KNL1: variants seen among roughly 807,000 people sequenced by gnomAD.
The protein encoded by KNL1 is outer kinetochore KNL1 complex subunit KNL1.
KNL1 carries 66 observed loss-of-function variants against 201.3 expected under a neutral mutation model. The ratio of observed to expected loss-of-function variants is 0.33; its 90% confidence interval spans 0.27 to 0.40. The LOEUF is 0.40. Among genes scored for constraint, KNL1 ranks in the 10% least tolerant of loss-of-function variants. The pLI is 1.00. For missense variants in KNL1, 2,815 were observed against 2,690.5 expected (o/e 1.05, Z -1.02); for synonymous variants, 895 against 899.2 (o/e 1.00, Z 0.08).
chr15:40,623,243 T>G lies in KNL1; in HGVS notation c.2979T>G (p.Thr993=), dbSNP rs200056260. Reference sequence around the variant, plus strand: ...CACCAACAGTGATATGTACTCCTACTGAGGAGAGTGTTTTCTTTCCAGGAA... The same window carrying G: ...CACCAACAGTGATATGTACTCCTACGGAGGAGAGTGTTTTCTTTCCAGGAA... ...LGTPTVICTP[T]EESVFFPGNG... is the part of the protein sequence containing the mutation. Residue 993 remains threonine, a synonymous_variant, in exon 10 of 26, where the codon ACT becomes ACG. Coordinates refer to ENST00000399668, the MANE Select transcript of KNL1 (RefSeq NM_144508.5). The G allele has an allele frequency of 6.2e-7, 1 of 1,613,944 alleles. No individual in the cohort carries two copies. The highest frequency in any genetic ancestry group is 8.5e-7 in the Non-Finnish European group (1 of 1,179,868).
intron 23 of KNL1, 70 bp downstream of exon 23, chr15:40,657,221 T>A: frequency 8.9e-7 from 1 of 1,118,202 alleles, no homozygotes; most frequent in Non-Finnish European, 1.3e-6. Context: ...ACTGAAACTT[T>A]ACATAAATAA....
rs182961329 is a variant in KNL1 at position 40,644,614 on chromosome 15, C to G, written c.5799-383C>G. Among the ~76,000 whole-genome samples the G allele has an allele frequency of 7.1e-3, 1,088 of 152,316 alleles. 5 individuals carry two copies. The highest frequency in any genetic ancestry group is 0.012 in the Non-Finnish European group (804 of 68,030). On this transcript the variant is annotated intron_variant, in intron 14 of 25. Transcript: ENST00000399668. ...TGGGGAGAAACCTTGGACAATACCC[C>G]GCTTTCAAGGGCAGAGGTCCCTGCG...
At chr15:40,634,642 G>A (rs896066778) in intron 13 of KNL1, among the ~76,000 whole-genome samples, 1 of 152,112 alleles carries the variant, frequency 6.6e-6, no homozygotes, top group Non-Finnish European at 1.5e-5. Flanking sequence ...GCTATAGATA[G>A]GGAGGAGAAA....
intron 13 of KNL1, among the ~76,000 whole-genome samples, chr15:40,637,323 C>CT (rs71307495): frequency 0.39 from 55,021 of 140,740 alleles, 10,582 homozygotes; most frequent in Middle Eastern, 0.49. Context: ...TTTCTCTGCC[C>CT]TTTTTTTTTT....
intron 1 of KNL1, among the ~76,000 whole-genome samples, chr15:40,597,897 C>T (rs1372041353): frequency 6.6e-6 from 1 of 152,132 alleles, no homozygotes; most frequent in South Asian, 2.1e-4. Flanking sequence ...TTCCCCTGGG[C>T]GCGGTGGCTC....
In KNL1 at chr15:40,600,095, C is replaced by G. The variant is rs1424242246; in HGVS notation, c.-17-2820C>G. Among the ~76,000 whole-genome samples, 3 of 66,466 alleles carry G rather than the reference C, an allele frequency of 4.5e-5. 1 individual carries two copies. Among genetic ancestry groups the G allele is most frequent in the Non-Finnish European group, 9.0e-5 (3 of 33,214 alleles). The allele number at this position is 66,466 out of a possible 152,430, so 43.6% of individuals were successfully genotyped here. A position where few individuals can be genotyped will look rare whatever the true frequency, so the allele number is the denominator to read the frequency against. On this transcript the variant is annotated intron_variant, in intron 1 of 25. Transcript: ENST00000399668. The stretch of plus-strand genomic sequence containing the variant: ...GATTCCTTTTTTTTTTTTTTTTTTG[C>G]AATGGAATCTCACTTTGTTGCCCAG...
chr15:40,632,101 A>C (rs1892926058), intron 13 of KNL1, among the ~76,000 whole-genome samples: 1 of 152,060 alleles, frequency 6.6e-6, no homozygotes, highest in Admixed American at 6.6e-5. Context: ...AGAAGAAATA[A>C]GCAGCTGCGC....
intron 3 of KNL1, 102 bp from the exon 4 acceptor site, chr15:40,606,291 T>G (rs1891969194): frequency 1.5e-6 from 1 of 684,186 alleles, no homozygotes; most frequent in African/African-American, 1.8e-5. Flanking sequence ...TTCAGAGTTT[T>G]TAATGAAAAT....
Position 40,622,999 on chromosome 15 carries a change from A to T in KNL1, c.2735A>T (p.Asp912Val), listed in dbSNP as rs781774709. Residue 912 changes from aspartate to valine, a missense_variant, in exon 10 of 26, where the codon GAT (aspartate) becomes GTT (valine). Coordinates refer to ENST00000399668, the MANE Select transcript of KNL1 (RefSeq NM_144508.5). ...SETILYTCRQ[D>V]DMEITRSHTT... ...ACTATTTTATATACATGTAGGCAGG[A>T]TGACATGGAGATCACTAGAAGTCAC... 6 of 1,613,968 alleles carry T rather than the reference A, an allele frequency of 3.7e-6. No individual in the cohort carries two copies. The South Asian group carries it at 5.5e-5, about 15-fold the overall frequency.
chr15:40,601,346 G>T (rs943281691), intron 1 of KNL1, among the ~76,000 whole-genome samples: 1 of 152,146 alleles, frequency 6.6e-6, no homozygotes. Context: ...GTTTGGAAAA[G>T]GTTGGGGACC....
chr15:40,658,929 C>CA (rs752685228), intron 24 of KNL1, among the ~76,000 whole-genome samples: 1,949 of 76,440 alleles, frequency 0.025, 42 homozygotes, highest in African/African-American at 0.081. Context: ...GACTCCATCT[C>CA]AAAAAAAAAA....
intron 17 of KNL1, among the ~76,000 whole-genome samples, chr15:40,649,543 T>C (rs2141756680): frequency 6.7e-6 from 1 of 150,302 alleles, no homozygotes; most frequent in Non-Finnish European, 1.5e-5. Context: ...GATCTGCCCA[T>C]CTCAGCCTCC....
intron 1 of KNL1, among the ~76,000 whole-genome samples, chr15:40,597,636 A>C (rs1891659196): frequency 6.6e-6 from 1 of 152,198 alleles, no homozygotes; most frequent in African/African-American, 2.4e-5. Context: ...TGTTTTATAA[A>C]TGAGGCTTAA....
intron 13 of KNL1, among the ~76,000 whole-genome samples, chr15:40,633,140 C>G (rs1441214870): frequency 6.6e-6 from 1 of 151,758 alleles, no homozygotes; most frequent in Non-Finnish European, 1.5e-5. Flanking sequence ...ACCAGCCTGG[C>G]CAACATGGTG....
chr15:40,611,334 C>G (rs1438694431), intron 6 of KNL1, 144 bp from the exon 7 acceptor site: 1 of 168,296 alleles, frequency 5.9e-6, no homozygotes, highest in Non-Finnish European at 1.5e-5. Context: ...ATCTCGAACT[C>G]CTGACCTCGT....
intron 1 of KNL1, among the ~76,000 whole-genome samples, chr15:40,595,296 A>G (rs955796844): frequency 1.3e-5 from 2 of 152,258 alleles, no homozygotes; most frequent in Non-Finnish European, 1.5e-5. Flanking sequence ...TACAAGACAG[A>G]ATGTAAAAGA....
intron 1 of KNL1, among the ~76,000 whole-genome samples, chr15:40,600,914 A>G (rs1035665067): frequency 1.3e-5 from 2 of 152,252 alleles, no homozygotes; most frequent in Non-Finnish European, 2.9e-5. Context: ...ATTATCAGCT[A>G]TGCTAATAAG....
intron 17 of KNL1, among the ~76,000 whole-genome samples, chr15:40,649,887 A>G (rs984797370): frequency 5.9e-5 from 9 of 152,114 alleles, no homozygotes; most frequent in African/African-American, 2.2e-4. Context: ...TATATTACCC[A>G]TCACATCTAC....
intron 2 of KNL1, among the ~76,000 whole-genome samples, chr15:40,603,848 T>C (rs2141698669): frequency 1.3e-5 from 2 of 152,338 alleles, no homozygotes; most frequent in Admixed American, 1.3e-4. Flanking sequence ...CATTTTTAAT[T>C]ATATGCAAAT....
Sources: allele counts gnomAD v4.1 joint callset (sites outside exome capture counted in the v4.1 genomes callset), GRCh38; gene constraint gnomAD v4.1.1; transcripts MANE v1.5; gene names NCBI Gene and HGNC (gene_info 2026-07-23, HGNC 2026-07-21).